EFCAB6: variants seen among roughly 807,000 people sequenced by gnomAD.
The protein encoded by EFCAB6 is EF-hand calcium-binding domain-containing protein 6.
A neutral mutation model predicts 169.8 loss-of-function variants in EFCAB6; 156 were observed. That is an observed-to-expected ratio of 0.92 (90% CI 0.81 to 1.05). EFCAB6 has a LOEUF of 1.05. Ranked by LOEUF, EFCAB6 falls within the 50% of genes least tolerant of loss-of-function variation. EFCAB6 has a pLI of 0.00. For missense variants in EFCAB6, 1,800 were observed against 1,829.1 expected, an observed-to-expected ratio of 0.98 and a Z score of 0.29; for synonymous variants, 698 against 676.4, an observed-to-expected ratio of 1.03 and a Z score of -0.50.
At chr22:43,593,924 A>G (rs1427244747) in intron 23 of EFCAB6, among the ~76,000 whole-genome samples, 1 of 152,188 alleles carries the variant, frequency 6.6e-6, no homozygotes, top group African/African-American at 2.4e-5. Flanking sequence ...AATCTGTCTC[A>G]TTGCTGTAGT....
chr22:43,571,458 G>A (rs16990768), intron 26 of EFCAB6, among the ~76,000 whole-genome samples: 6,272 of 152,188 alleles, frequency 0.041, 169 homozygotes, highest in South Asian at 0.063. Context: ...ATGAGCTTAA[G>A]GATGATGCAT....
chr22:43,688,757 C>A (rs1029415674), intron 10 of EFCAB6, among the ~76,000 whole-genome samples: 7 of 152,338 alleles, frequency 4.6e-5, no homozygotes, highest in Middle Eastern at 3.4e-3. Flanking sequence ...GTCACAAACA[C>A]CTTCTGTGAC....
intron 30 of EFCAB6, among the ~76,000 whole-genome samples, chr22:43,531,388 A>T (rs1305668184): frequency 6.6e-6 from 1 of 152,158 alleles, no homozygotes. Flanking sequence ...TAGTTTGAGG[A>T]AAAAAAGAGA....
At chr22:43,753,752 G>A (rs565919970) in intron 6 of EFCAB6, among the ~76,000 whole-genome samples, 57 of 152,290 alleles carry the variant, frequency 3.7e-4, no homozygotes, top group African/African-American at 1.3e-3. Flanking sequence ...GCTGGTTTGG[G>A]GTTCCCACTG....
At position 43,665,167 on chromosome 22, in the gene EFCAB6, T is replaced by G. The variant is rs145083556; in HGVS notation, c.1983+1937A>C. 4.6e-3 allele frequency among the ~76,000 whole-genome samples: 708 copies of G among 152,262 alleles called. 18 individuals are homozygous for G. Among genetic ancestry groups the G allele is most frequent in the Admixed American group, 0.041 (628 of 15,294 alleles). On this transcript the variant is annotated intron_variant, in intron 17 of 31. Coordinates refer to ENST00000262726, the MANE Select transcript of EFCAB6 (RefSeq NM_022785.4). Reference sequence around the variant, plus strand: ...CGGCCCCTCTTTGGCTGTGCCCACATGGAGAAGGCAGGTAGACAGGTAGGT... The same window carrying G: ...CGGCCCCTCTTTGGCTGTGCCCACAGGGAGAAGGCAGGTAGACAGGTAGGT...
intron 11 of EFCAB6, among the ~76,000 whole-genome samples, chr22:43,686,039 G>A (rs2058182842): frequency 6.6e-6 from 1 of 151,978 alleles, no homozygotes; most frequent in South Asian, 2.1e-4. Flanking sequence ...GGAATGCAAT[G>A]GTGAGATCTC....
intron 4 of EFCAB6, among the ~76,000 whole-genome samples, chr22:43,769,705 C>T (rs2061411071): frequency 1.3e-5 from 2 of 152,008 alleles, no homozygotes; most frequent in Non-Finnish European, 2.9e-5. Context: ...AATGACATCA[C>T]AGTGTTGGAG....
intron 8 of EFCAB6, among the ~76,000 whole-genome samples, chr22:43,720,337 C>G (rs901932828): frequency 2.5e-5 from 3 of 122,030 alleles, no homozygotes; most frequent in African/African-American, 9.6e-5. Flanking sequence ...CAGAACCTGT[C>G]TCTACAAAAG....
At chr22:43,575,711 A>G (rs1464822949) in intron 26 of EFCAB6, among the ~76,000 whole-genome samples, 1 of 152,128 alleles carries the variant, frequency 6.6e-6, no homozygotes, top group African/African-American at 2.4e-5. Flanking sequence ...CAAAAACCAC[A>G]GTGTTTAGGA....
chr22:43,780,545 T>C (rs896438840), intron 3 of EFCAB6, among the ~76,000 whole-genome samples: 4 of 145,072 alleles, frequency 2.8e-5, no homozygotes, highest in Non-Finnish European at 4.5e-5. Flanking sequence ...TCATCTCACC[T>C]CACTCTAGTC....
At chr22:43,588,861 G>C (rs1354194145) in intron 24 of EFCAB6, among the ~76,000 whole-genome samples, 1 of 152,160 alleles carries the variant, frequency 6.6e-6, no homozygotes, top group Non-Finnish European at 1.5e-5. Flanking sequence ...ATGTAGAAAA[G>C]AAAAGTGATG....
chr22:43,735,971 A>T lies in EFCAB6; in HGVS notation c.530T>A (p.Val177Asp). 1 of 1,613,714 alleles carries T rather than the reference A, an allele frequency of 6.2e-7. No homozygotes were observed. Among genetic ancestry groups the T allele is most frequent in the Non-Finnish European group, 8.5e-7 (1 of 1,179,916 alleles). ...GEKVFKNIKT[V>D]MKAFELIDVN... ...ATCAATGAGCTCAAAGGCTTTCATA[A>T]CAGTCTTAATGTTTTTGAAAACCTA... is the stretch of plus-strand genomic sequence containing the variant. The change falls in exon 7 of 32, where the codon GTT becomes GAT. Residue 177 changes from valine (V) to aspartate (D), a missense_variant. By Grantham distance (152) the Val-to-Asp change is radical (BLOSUM62 -3). Coordinates refer to ENST00000262726, the MANE Select transcript of EFCAB6 (RefSeq NM_022785.4).
intron 2 of EFCAB6, among the ~76,000 whole-genome samples, chr22:43,790,345 C>G (rs1431131052): frequency 6.6e-6 from 1 of 152,196 alleles, no homozygotes; most frequent in African/African-American, 2.4e-5. Flanking sequence ...GGTTTGTGTT[C>G]ACACAGTCAA....
intron 20 of EFCAB6, among the ~76,000 whole-genome samples, chr22:43,618,566 T>C (rs192989300): frequency 6.6e-6 from 1 of 152,330 alleles, no homozygotes; most frequent in African/African-American, 2.4e-5. Flanking sequence ...GACAAAGTTA[T>C]GAGTTTCATG....
intron 21 of EFCAB6, among the ~76,000 whole-genome samples, chr22:43,610,402 C>T (rs1054793024): frequency 6.6e-6 from 1 of 152,138 alleles, no homozygotes; most frequent in Non-Finnish European, 1.5e-5. Flanking sequence ...GGAAACCTGA[C>T]CAATAAATGA....
rs2060500236 is a variant in EFCAB6, at chr22:43,744,670, C to T, written c.508-8677G>A. 6.6e-6 allele frequency among the ~76,000 whole-genome samples: 1 copy of T among 152,118 alleles called. No homozygotes were observed. The highest frequency in any genetic ancestry group is 2.4e-5 in the African/African-American group (1 of 41,410). ...CTAAGTCAGGGCTGATCTTCCTCAACAGGAAACCATGAAGTTCAGAGGCCC... is the reference window on the plus strand; with the variant it reads ...CTAAGTCAGGGCTGATCTTCCTCAATAGGAAACCATGAAGTTCAGAGGCCC... On this transcript the variant is annotated intron_variant, in intron 6 of 31. Transcript: ENST00000262726. This position sits in a 1 kb window ranked among gnomAD's most constrained non-coding sequence, Gnocchi z 4.3.
chr22:43,787,900 T>C (rs2062139007), intron 2 of EFCAB6, among the ~76,000 whole-genome samples: 2 of 152,196 alleles, frequency 1.3e-5, no homozygotes, highest in African/African-American at 4.8e-5. Context: ...GGCATAAGTA[T>C]GCACATATAG....
At chr22:43,540,945 A>G (rs866923654) in intron 27 of EFCAB6, among the ~76,000 whole-genome samples, 2 of 151,304 alleles carry the variant, frequency 1.3e-5, no homozygotes, top group Admixed American at 6.6e-5. Flanking sequence ...CACAGACTGT[A>G]TCAAAACCAC....
chr22:43,700,607 G>A (rs1484494147), intron 10 of EFCAB6, among the ~76,000 whole-genome samples: 1 of 152,202 alleles, frequency 6.6e-6, no homozygotes, highest in Admixed American at 6.5e-5. Flanking sequence ...CCCTCGTGCT[G>A]CACCTGTGGA....
Sources: gnomAD v4.1 joint callset for allele counts (sites outside exome capture counted in the v4.1 genomes callset) on GRCh38, gnomAD v4.1.1 for gene constraint, Gnocchi (gnomAD v3.1) non-coding constraint, MANE v1.5 for transcripts, NCBI Gene and HGNC (gene_info 2026-07-23, HGNC 2026-07-21) for gene names.